IL26: variants seen among roughly 807,000 people sequenced by gnomAD.
IL26 encodes interleukin 26.
A neutral mutation model predicts 21.7 loss-of-function variants in IL26; 23 were observed. The ratio of observed to expected loss-of-function variants is 1.06; its 90% CI spans 0.76 to 1.50. The LOEUF is 1.50. IL26 is among the 40% of genes most tolerant of loss of function. IL26 has a pLI of 0.00. For synonymous variants in IL26, 63 were observed against 67.8 expected, an observed-to-expected ratio of 0.93 and a Z score of 0.34; for missense variants, 204 against 196.0, an observed-to-expected ratio of 1.04 and a Z score of -0.24.
At chr12:68,225,013 A>G (rs1869196913) in intron 3 of IL26, 136 bp downstream of exon 3, 1 of 723,658 alleles carries the variant, frequency 1.4e-6, no homozygotes, top group East Asian at 2.6e-5. Flanking sequence ...CCTGGTGATG[A>G]CCTCTCCATT....
At chr12:68,210,197 G>A (rs11571038) in intron 3 of IL26, among the ~76,000 whole-genome samples, 3,627 of 151,714 alleles carry the variant, frequency 0.024, 131 homozygotes, top group African/African-American at 0.082. Context: ...CTCTTAAGCA[G>A]ATCTTATTCA....
intron 3 of IL26, among the ~76,000 whole-genome samples, chr12:68,205,939 C>T (rs1219930607): frequency 2.0e-5 from 3 of 152,218 alleles, no homozygotes; most frequent in Non-Finnish European, 4.4e-5. Context: ...TTCAGAAACA[C>T]TCATCTCCAT....
intron 3 of IL26, among the ~76,000 whole-genome samples, chr12:68,219,180 A>T (rs1868977352): frequency 6.6e-6 from 1 of 152,016 alleles, no homozygotes; most frequent in Non-Finnish European, 1.5e-5. Context: ...GTCACAACTA[A>T]ATCTAATTGA....
chr12:68,205,777 T>C (rs1266111005), intron 3 of IL26, among the ~76,000 whole-genome samples: 1 of 152,260 alleles, frequency 6.6e-6, no homozygotes, highest in Admixed American at 6.5e-5. Flanking sequence ...CCATTTGCTT[T>C]AGTTTCAGTC....
At chr12:68,210,010 CTTG>C (rs755961069) in intron 3 of IL26, among the ~76,000 whole-genome samples, 19 of 152,054 alleles carry the variant, frequency 1.2e-4, no homozygotes, top group Middle Eastern at 3.2e-3. Context: ...AACCACCCTT[CTTG>C]TTGTTTTTTG....
chr12:68,214,728 G>A (rs1411288400), intron 3 of IL26, among the ~76,000 whole-genome samples: 1 of 151,994 alleles, frequency 6.6e-6, no homozygotes, highest in African/African-American at 2.4e-5. Flanking sequence ...AGCCTTTATA[G>A]GTGAAGCAAG....
chr12:68,205,942 A>G (rs1868530278), intron 3 of IL26, among the ~76,000 whole-genome samples: 1 of 152,112 alleles, frequency 6.6e-6, no homozygotes, highest in Non-Finnish European at 1.5e-5. Flanking sequence ...AGAAACACTC[A>G]TCTCCATCAA....
At chr12:68,224,046 C>A (rs921718993) in intron 3 of IL26, among the ~76,000 whole-genome samples, 1 of 151,070 alleles carries the variant, frequency 6.6e-6, no homozygotes, top group East Asian at 1.9e-4. Flanking sequence ...AACACCCCCC[C>A]CCTCTAATGG....
At chr12:68,204,054 G>C (rs1868460040) in intron 3 of IL26, among the ~76,000 whole-genome samples, 1 of 151,764 alleles carries the variant, frequency 6.6e-6, no homozygotes, top group African/African-American at 2.4e-5. Context: ...TGAATGCTCA[G>C]TAAAACTTCA....
chr12:68,224,598 G>A (rs1453366119), intron 3 of IL26, among the ~76,000 whole-genome samples: 2 of 141,072 alleles, frequency 1.4e-5, no homozygotes, highest in African/African-American at 2.6e-5. Flanking sequence ...AAGGAAGGAA[G>A]GAAAGAGAGA....
intron 3 of IL26, among the ~76,000 whole-genome samples, chr12:68,213,851 A>G (rs1016784904): frequency 6.6e-6 from 1 of 151,912 alleles, no homozygotes; most frequent in African/African-American, 2.4e-5. Flanking sequence ...TTGTAGGCTC[A>G]ATTTCATTTG....
At chr12:68,221,770 C>A (rs932576602) in intron 3 of IL26, among the ~76,000 whole-genome samples, 1 of 152,136 alleles carries the variant, frequency 6.6e-6, no homozygotes, top group Non-Finnish European at 1.5e-5. Flanking sequence ...AAAACAACAC[C>A]CACCAAGGAT....
intron 3 of IL26, among the ~76,000 whole-genome samples, chr12:68,205,378 T>C (rs1402572015): frequency 1.4e-5 from 2 of 145,704 alleles, no homozygotes; most frequent in Non-Finnish European, 3.0e-5. Context: ...GGAAGCCTTA[T>C]TGATAACATG....
At chr12:68,223,198 T>C (rs937498414) in intron 3 of IL26, among the ~76,000 whole-genome samples, 8 of 152,170 alleles carry the variant, frequency 5.3e-5, no homozygotes, top group African/African-American at 1.9e-4. Flanking sequence ...CTGCACAGCT[T>C]GTAAGACAAC....
chr12:68,217,888 T>A (rs1198951012), intron 3 of IL26, among the ~76,000 whole-genome samples: 1 of 152,034 alleles, frequency 6.6e-6, no homozygotes, highest in Non-Finnish European at 1.5e-5. Flanking sequence ...AATGGCCGAA[T>A]GTCCTGAACA....
intron 3 of IL26, among the ~76,000 whole-genome samples, chr12:68,224,855 A>T (rs533603705): frequency 2.6e-4 from 40 of 152,332 alleles, no homozygotes; most frequent in African/African-American, 9.4e-4. Flanking sequence ...TTACTTGGGA[A>T]TCACATAATG....
chr12:68,217,786 G>T (rs1056208033), intron 3 of IL26, among the ~76,000 whole-genome samples: 1 of 152,048 alleles, frequency 6.6e-6, no homozygotes, highest in Non-Finnish European at 1.5e-5. Flanking sequence ...CTGTATAATT[G>T]TTAATGTATG....
rs6144754 is a variant in IL26 at position 68,204,141 on chromosome 12, A to ATTTTTTTTTTT, written c.364-2069_364-2059dup. On this transcript the variant is annotated intron_variant, in intron 3 of 4. Transcript: ENST00000229134. ...TAAAATCATGTGTTAGGATTCAAAG[A>ATTTTTTTTTTT]TTTTTTTTTTTTTTTTTTTTGAGGC... Among the ~76,000 whole-genome samples the ATTTTTTTTTTT allele has an allele frequency of 5.7e-4, 65 of 113,204 alleles. 3 individuals carry two copies. Among genetic ancestry groups the ATTTTTTTTTTT allele is most frequent in the Non-Finnish European group, 1.8e-4 (10 of 56,828 alleles). 74.3% of individuals were successfully genotyped at this position (113,204 alleles called of 152,430 possible). A position where few individuals can be genotyped will look rare whatever the true frequency, so the allele number is the denominator to read the frequency against.
At chr12:68,204,753 G>A (rs961797628) in intron 3 of IL26, among the ~76,000 whole-genome samples, 1 of 151,872 alleles carries the variant, frequency 6.6e-6, no homozygotes, top group South Asian at 2.1e-4. Context: ...AATGCTTCCC[G>A]GTGCCTTGAG....
Sources: gnomAD v4.1 joint callset for allele counts (sites outside exome capture counted in the v4.1 genomes callset) on GRCh38, gnomAD v4.1.1 for gene constraint, MANE v1.5 for transcripts, NCBI Gene and HGNC (gene_info 2026-07-23, HGNC 2026-07-21) for gene names.